The following FGD4 variants were observed in gnomAD, a reference collection of about 807,000 sequenced individuals.
The protein encoded by FGD4 is FYVE, RhoGEF and PH domain-containing protein 4.
Under a neutral mutation model 102.0 loss-of-function variants are expected in FGD4, and 42 were observed. That is an observed-to-expected ratio of 0.41 (90% CI 0.32 to 0.53). FGD4 has a LOEUF of 0.53. FGD4 is among the 20% of genes least tolerant of loss of function. The pLI, the probability that FGD4 is intolerant of heterozygous loss-of-function variation, is 0.21. For synonymous variants in FGD4, 380 were observed against 375.7 expected (o/e 1.01, Z -0.13); for missense variants, 902 against 1,078.2 (o/e 0.84, Z 2.29).
At chr12:32,426,589 A>AG (rs1440326689) in intron 1 of FGD4, among the ~76,000 whole-genome samples, 1 of 152,136 alleles carries the variant, frequency 6.6e-6, no homozygotes, top group Non-Finnish European at 1.5e-5. Flanking sequence ...AAAATGAGTT[A>AG]GGGGGGATTC....
At chr12:32,484,442 T>C (rs1943838438) in intron 1 of FGD4, among the ~76,000 whole-genome samples, 1 of 152,184 alleles carries the variant, frequency 6.6e-6, no homozygotes, top group South Asian at 2.1e-4. Context: ...TGAGTCTAGG[T>C]ATTATGGTTT....
At chr12:32,425,345 CTTGTTT>C (rs1941793228) in intron 1 of FGD4, among the ~76,000 whole-genome samples, 1 of 152,150 alleles carries the variant, frequency 6.6e-6, no homozygotes, top group Non-Finnish European at 1.5e-5. Context: ...TTCCCCATTG[CTTGTTT>C]TTGTCAGGTT....
chr12:32,504,856 C>T lies in FGD4; in HGVS notation c.167-59281C>T, dbSNP rs145045420. On this transcript the variant is annotated intron_variant, in intron 1 of 16. Transcript: ENST00000534526. ...TGCTCCTTCCTTTGACACATTATGC[C>T]GGAATGTTGCCTGACATAACAAATT... Among the ~76,000 whole-genome samples the T allele has an allele frequency of 4.2e-3, 636 of 152,222 alleles. 7 individuals are homozygous for T. Among genetic ancestry groups the T allele is most frequent in the African/African-American group, 0.014 (601 of 41,544 alleles).
At chr12:32,428,324 C>T (rs1941920521) in intron 1 of FGD4, among the ~76,000 whole-genome samples, 1 of 152,138 alleles carries the variant, frequency 6.6e-6, no homozygotes, top group Non-Finnish European at 1.5e-5. Context: ...GCTTATGAAG[C>T]TTAGTTTGGC....
intron 3 of FGD4, among the ~76,000 whole-genome samples, chr12:32,578,599 T>C (rs1021909815): frequency 1.3e-5 from 2 of 151,994 alleles, no homozygotes; most frequent in Non-Finnish European, 2.9e-5. Context: ...GGAGGCCACA[T>C]TGGTTGGATT....
At chr12:32,512,598 T>C (rs1459436508) in intron 1 of FGD4, among the ~76,000 whole-genome samples, 3 of 152,136 alleles carry the variant, frequency 2.0e-5, no homozygotes, top group Non-Finnish European at 4.4e-5. Context: ...GTCAGGGTAG[T>C]GGTTTCATCT....
At chr12:32,483,635 G>T (rs1943819797) in intron 1 of FGD4, among the ~76,000 whole-genome samples, 1 of 152,154 alleles carries the variant, frequency 6.6e-6, no homozygotes. Context: ...TAACTCATTG[G>T]CATATGGTCA....
chr12:32,456,604 A>G (rs1340744249), intron 1 of FGD4, among the ~76,000 whole-genome samples: 7 of 152,172 alleles, frequency 4.6e-5, no homozygotes, highest in Non-Finnish European at 5.9e-5. Context: ...GCCAAATATT[A>G]TCATTAATTT....
At chr12:32,587,374 G>GTATTTATT (rs149737397) in intron 4 of FGD4, among the ~76,000 whole-genome samples, 2 of 150,470 alleles carry the variant, frequency 1.3e-5, no homozygotes, top group African/African-American at 4.9e-5. Context: ...TTTTTATTCT[G>GTATTTATT]TATTTATTTA....
intron 4 of FGD4, among the ~76,000 whole-genome samples, chr12:32,587,287 C>G (rs545684303): frequency 1.3e-3 from 196 of 152,100 alleles, no homozygotes; most frequent in African/African-American, 4.6e-3. Context: ...AAATCCCAGC[C>G]CCGTCACTTA....
chr12:32,595,408 G>A (rs1206661082), intron 4 of FGD4, among the ~76,000 whole-genome samples: 1 of 152,132 alleles, frequency 6.6e-6, no homozygotes, highest in Non-Finnish European at 1.5e-5. Context: ...CTGTGGTAAT[G>A]GAATCGTTGC....
At chr12:32,520,361 C>T (rs1486156326) in intron 1 of FGD4, among the ~76,000 whole-genome samples, 2 of 151,774 alleles carry the variant, frequency 1.3e-5, no homozygotes, top group South Asian at 4.1e-4. Flanking sequence ...CAGATTCAGT[C>T]ACATTGTTCT....
At chr12:32,530,977 G>C (rs1941753662) in intron 1 of FGD4, among the ~76,000 whole-genome samples, 1 of 89,388 alleles carries the variant, frequency 1.1e-5, no homozygotes, top group Non-Finnish European at 1.8e-5. Context: ...TTTTGAGACA[G>C]AGCCTTGCTC....
intron 1 of FGD4, among the ~76,000 whole-genome samples, chr12:32,489,790 G>T (rs1025440390): frequency 5.3e-5 from 8 of 152,086 alleles, no homozygotes; most frequent in African/African-American, 1.9e-4. Context: ...TAAGCTCAAT[G>T]AGGTTATTTT....
At chr12:32,408,756 T>G (rs1189542619) in intron 1 of FGD4, among the ~76,000 whole-genome samples, 2 of 152,230 alleles carry the variant, frequency 1.3e-5, no homozygotes, top group Non-Finnish European at 2.9e-5. Context: ...AATTCCCAAA[T>G]AGCATTCAGC....
At chr12:32,480,347 A>T (rs1943706377) in intron 1 of FGD4, among the ~76,000 whole-genome samples, 1 of 151,558 alleles carries the variant, frequency 6.6e-6, no homozygotes, top group Non-Finnish European at 1.5e-5. Flanking sequence ...TATTTTCAGT[A>T]GAGACGGGGT....
chr12:32,435,547 T>C (rs1221965619), intron 1 of FGD4, among the ~76,000 whole-genome samples: 2 of 147,682 alleles, frequency 1.4e-5, no homozygotes, highest in African/African-American at 5.1e-5. Flanking sequence ...AATTGGCCTT[T>C]TTTTTGTGGT....
rs112803863 is a variant in FGD4, at chr12:32,511,660, T to C, written c.167-52477T>C. Among the ~76,000 whole-genome samples, 247 of 152,226 alleles carry C rather than the reference T, an allele frequency of 1.6e-3. 1 individual carries two copies. Among genetic ancestry groups the C allele is most frequent in the African/African-American group, 5.6e-3 (233 of 41,536 alleles). On this transcript the variant is annotated intron_variant, in intron 1 of 16. Transcript: ENST00000534526. ...GTTAAATGATGGCAGTAATAGTACA[T>C]TAACAGCTGTGCTATAAAAATCAAC...
intron 11 of FGD4, among the ~76,000 whole-genome samples, chr12:32,623,360 ATT>A (rs968025292): frequency 6.6e-6 from 1 of 151,172 alleles, no homozygotes; most frequent in Non-Finnish European, 1.5e-5. Context: ...TTTAAAAAAA[ATT>A]TTTTTTTTAT....
Sources: allele counts gnomAD v4.1 joint callset (sites outside exome capture counted in the v4.1 genomes callset), GRCh38; gene constraint gnomAD v4.1.1; transcripts MANE v1.5; gene names NCBI Gene and HGNC (gene_info 2026-07-23, HGNC 2026-07-21).